The following AGBL4 variants were observed in gnomAD, a reference collection of about 807,000 sequenced individuals.
AGBL4 encodes AGBL carboxypeptidase 4, also known as cytosolic carboxypeptidase 6.
Under a neutral mutation model 66.4 loss-of-function variants are expected in AGBL4, and 58 were observed. That is an observed-to-expected ratio of 0.87 (90% CI 0.71 to 1.09). The LOEUF is 1.09. Ranked by LOEUF, AGBL4 falls within the 50% of genes least tolerant of loss-of-function variation. The pLI, the probability that AGBL4 is intolerant of heterozygous loss-of-function variation, is 0.00. For missense variants in AGBL4, 579 were observed against 631.0 expected, an observed-to-expected ratio of 0.92 and a Z score of 0.88; for synonymous variants, 234 against 222.9, an observed-to-expected ratio of 1.05 and a Z score of -0.44.
At position 48,539,655 on chromosome 1, in the gene AGBL4, T is replaced by C. The variant is rs1172869582; in HGVS notation, c.1351A>G (p.Met451Val). The part of the protein sequence containing the change: ...NPVVEKVAIP[M>V]PRLRNKEIEV... ...TCTGCCACTTACCGCAGTCTCGGCA[T>C]GGGAATTGCCACCTTTTCAACCACG... Residue 451 changes from methionine (M) to valine (V), a missense_variant, in exon 12 of 14, where the codon ATG becomes GTG. By Grantham distance (21) the Met-to-Val change is conservative. Transcript: ENST00000371839. 8 of 1,542,508 alleles carry C rather than the reference T, an allele frequency of 5.2e-6. No individual in the cohort carries two copies. Among genetic ancestry groups the C allele is most frequent in the Non-Finnish European group, 7.0e-6 (8 of 1,141,494 alleles).
At chr1:48,943,662 T>G (rs976712588) in intron 5 of AGBL4, among the ~76,000 whole-genome samples, 1 of 152,164 alleles carries the variant, frequency 6.6e-6, no homozygotes, top group Non-Finnish European at 1.5e-5. Context: ...CAGTTAATGG[T>G]CCAGTCAGGA....
At chr1:49,722,067 G>A (rs543824574) in intron 2 of AGBL4, among the ~76,000 whole-genome samples, 2 of 152,184 alleles carry the variant, frequency 1.3e-5, no homozygotes, top group East Asian at 1.9e-4. Flanking sequence ...AAGCTTTAAG[G>A]TTCCTCAGTT....
intron 1 of AGBL4, among the ~76,000 whole-genome samples, chr1:50,021,121 T>A (rs1165959232): frequency 6.6e-6 from 1 of 152,208 alleles, no homozygotes; most frequent in African/African-American, 2.4e-5. Flanking sequence ...CTAAATCTAG[T>A]TTTTTAGCCC....
At position 49,395,798 on chromosome 1, in the gene AGBL4, T is replaced by C. The variant is rs527467060; in HGVS notation, c.283-149934A>G. Among the ~76,000 whole-genome samples, 184 of 134,980 alleles carry C rather than the reference T, an allele frequency of 1.4e-3. 2 individuals carry two copies. Among genetic ancestry groups the C allele is most frequent in the South Asian group, 9.9e-3 (44 of 4,438 alleles). The allele number at this position is 134,980 out of a possible 152,430, so 88.6% of individuals were successfully genotyped here. ...ATACATGTGTATATATGTATATATA[T>C]ACATATATATATGTATACATATATA... On this transcript the variant is annotated intron_variant, in intron 3 of 13. Transcript: ENST00000371839.
intron 3 of AGBL4, among the ~76,000 whole-genome samples, chr1:49,285,795 C>A (rs7413892): frequency 0.52 from 78,629 of 152,030 alleles, 21,620 homozygotes; most frequent in Non-Finnish European, 0.62. Flanking sequence ...TTCCTCCACA[C>A]ATACACTCTC....
intron 5 of AGBL4, among the ~76,000 whole-genome samples, chr1:49,043,827 C>T (rs1644008490): frequency 6.6e-6 from 1 of 152,174 alleles, no homozygotes; most frequent in Non-Finnish European, 1.5e-5. Flanking sequence ...CTCTCAGTAC[C>T]TGAGTTGCAC....
At chr1:48,789,290 A>T (rs201657130) in intron 6 of AGBL4, among the ~76,000 whole-genome samples, 75 of 63,254 alleles carry the variant, frequency 1.2e-3, no homozygotes, top group African/African-American at 2.3e-3. Flanking sequence ...ATATATATAT[A>T]TATATTTTTT....
At chr1:49,651,316 C>T (rs924628256) in intron 3 of AGBL4, among the ~76,000 whole-genome samples, 7 of 152,052 alleles carry the variant, frequency 4.6e-5, no homozygotes, top group Non-Finnish European at 8.8e-5. Flanking sequence ...CACAAATTTC[C>T]CCTGCCAACC....
intron 6 of AGBL4, among the ~76,000 whole-genome samples, chr1:48,678,029 G>A (rs1406974989): frequency 6.6e-6 from 1 of 152,216 alleles, no homozygotes; most frequent in African/African-American, 2.4e-5. Flanking sequence ...ACACGTCATC[G>A]AAAGGAAGCA....
intron 4 of AGBL4, among the ~76,000 whole-genome samples, chr1:49,141,134 A>G (rs1403429957): frequency 6.6e-6 from 1 of 152,216 alleles, no homozygotes; most frequent in African/African-American, 2.4e-5. Context: ...TTTGAGTTAT[A>G]TTCAGTGTAA....
chr1:49,104,037 C>G (rs1645250341), intron 4 of AGBL4, among the ~76,000 whole-genome samples: 1 of 152,142 alleles, frequency 6.6e-6, no homozygotes, highest in African/African-American at 2.4e-5. Flanking sequence ...GGTTCCTTAC[C>G]AGGTTAGGAA....
intron 4 of AGBL4, among the ~76,000 whole-genome samples, chr1:49,094,488 T>C (rs1023657816): frequency 6.6e-6 from 1 of 152,114 alleles, no homozygotes; most frequent in Non-Finnish European, 1.5e-5. Context: ...CTGGATTATG[T>C]TTATTGATTT....
chr1:49,583,457 C>A (rs1156832770), intron 3 of AGBL4, among the ~76,000 whole-genome samples: 8 of 152,070 alleles, frequency 5.3e-5, no homozygotes, highest in African/African-American at 1.9e-4. Context: ...ATTATCAAAC[C>A]CAAGGAGGGG....
intron 2 of AGBL4, among the ~76,000 whole-genome samples, chr1:49,811,801 A>C (rs762002717): frequency 3.3e-5 from 5 of 152,086 alleles, no homozygotes; most frequent in Non-Finnish European, 5.9e-5. Flanking sequence ...ACTTTATCTC[A>C]TCCTCAATTT....
intron 2 of AGBL4, among the ~76,000 whole-genome samples, chr1:49,745,636 T>A (rs1310210458): frequency 6.6e-6 from 1 of 151,914 alleles, no homozygotes; most frequent in Non-Finnish European, 1.5e-5. Context: ...ACATTTATGA[T>A]GTCAATCCAT....
At chr1:49,814,751 G>T (rs1240815028) in intron 2 of AGBL4, among the ~76,000 whole-genome samples, 1 of 152,044 alleles carries the variant, frequency 6.6e-6, no homozygotes, top group Non-Finnish European at 1.5e-5. Flanking sequence ...AATCATTGAA[G>T]GAATATCTAG....
intron 2 of AGBL4, among the ~76,000 whole-genome samples, chr1:49,802,543 T>G (rs1644886807): frequency 6.6e-6 from 1 of 152,200 alleles, no homozygotes; most frequent in South Asian, 2.1e-4. Flanking sequence ...GTATTATAAA[T>G]TCTTATCTCT....
At chr1:49,587,950 GC>G (rs1317847785) in intron 3 of AGBL4, among the ~76,000 whole-genome samples, 1 of 152,042 alleles carries the variant, frequency 6.6e-6, no homozygotes, top group African/African-American at 2.4e-5. Flanking sequence ...GAAAGATCTT[GC>G]TAAATTCTTA....
At chr1:49,302,605 ATTTTT>A (rs1229648131) in intron 3 of AGBL4, among the ~76,000 whole-genome samples, 9,119 of 84,328 alleles carry the variant, frequency 0.11, 628 homozygotes, top group Non-Finnish European at 0.15. Flanking sequence ...ATTTTATTTT[ATTTTT>A]TTATTTTATT....
Sources: allele counts gnomAD v4.1 joint callset (sites outside exome capture counted in the v4.1 genomes callset), GRCh38; gene constraint gnomAD v4.1.1; transcripts MANE v1.5; gene names NCBI Gene and HGNC (gene_info 2026-07-23, HGNC 2026-07-21).